DNAAF11: variants seen among roughly 807,000 people sequenced by gnomAD.
The protein encoded by DNAAF11 is dynein axonemal assembly factor 11.
Under a neutral mutation model 60.8 loss-of-function variants are expected in DNAAF11, and 45 were observed. The observed-to-expected ratio is 0.74, with a 90% CI of 0.58 to 0.95. The LOEUF is 0.95. DNAAF11 is among the 40% of genes least tolerant of loss of function. The pLI is 0.00. For synonymous variants in DNAAF11, 191 were observed against 183.5 expected (o/e 1.04, Z -0.33); for missense variants, 546 against 546.2 (o/e 1.00, Z 0.00).
chr8:132,677,105 C>T (rs1434594995), upstream of DNAAF11, among the ~76,000 whole-genome samples: 1 of 152,178 alleles, frequency 6.6e-6, no homozygotes, highest in South Asian at 2.1e-4. Flanking sequence ...CATCTGTGGT[C>T]GTGCCACTGA....
chr8:132,663,697 C>T (rs2130831071), intron 1 of DNAAF11, among the ~76,000 whole-genome samples: 1 of 152,228 alleles, frequency 6.6e-6, no homozygotes, highest in African/African-American at 2.4e-5. Context: ...ATCCAGAGCC[C>T]AAGTCTTCCT....
chr8:132,690,787 T>C, the DNAAF11 span, among the ~76,000 whole-genome samples: 3 of 152,214 alleles, frequency 2.0e-5, no homozygotes, highest in African/African-American at 7.2e-5. Context: ...TTAAGTATTT[T>C]GTAGAATGTC....
At position 132,658,489 on chromosome 8, in the gene DNAAF11, A is replaced by C. The variant is rs1218070252; in HGVS notation, c.179-1582T>G. ...AGGCGCCCGCCACCACGCCTGGCTA[A>C]TTTTTGTATTTTTAGTAGAGATGGG... On this transcript the variant is annotated intron_variant, in intron 2 of 11. Coordinates refer to ENST00000620350, the MANE Select transcript of DNAAF11 (RefSeq NM_012472.6). 1.5e-4 allele frequency among the ~76,000 whole-genome samples: 23 copies of C among 151,916 alleles called. 1 individual carries two copies. The highest frequency in any genetic ancestry group is 1.3e-3 in the Admixed American group (20 of 15,254).
chr8:132,612,059 G>T (rs1325878701), intron 8 of DNAAF11, among the ~76,000 whole-genome samples: 1 of 152,198 alleles, frequency 6.6e-6, no homozygotes, highest in Non-Finnish European at 1.5e-5. Flanking sequence ...GTTAAGGCAG[G>T]TAAGCTAATA....
rs1247113290 is a variant in DNAAF11, at chr8:132,637,966, T to G, written c.398A>C (p.Glu133Ala). 1 of 1,610,568 alleles carries G rather than the reference T, an allele frequency of 6.2e-7. No homozygotes were observed. The highest frequency in any genetic ancestry group is 8.5e-7 in the Non-Finnish European group (1 of 1,178,708). Residue 133 changes from glutamate (E) to alanine (A), a missense_variant, in exon 4 of 12, where the codon GAG (glutamate) becomes GCG (alanine). Physicochemically the swap from Glu to Ala is moderately radical, Grantham distance 107. Coordinates refer to ENST00000620350, the MANE Select transcript of DNAAF11 (RefSeq NM_012472.6). Reference protein sequence around the residue: ...NPCASFDHYREFVVATLPQLK... With the variant: ...NPCASFDHYRAFVVATLPQLK... ...TTGTGGAAGAGTTGCTACCACGAACTCCCTATAGTGGTCAAAGGAAGCACA... is the reference window on the plus strand; with the variant it reads ...TTGTGGAAGAGTTGCTACCACGAACGCCCTATAGTGGTCAAAGGAAGCACA...
chr8:132,581,270 A>G (rs1586466584), intron 11 of DNAAF11, among the ~76,000 whole-genome samples: 2 of 152,300 alleles, frequency 1.3e-5, no homozygotes, highest in East Asian at 1.9e-4. Context: ...CAAACATAAA[A>G]TAATTAACCA....
intron 11 of DNAAF11, among the ~76,000 whole-genome samples, chr8:132,580,231 C>G (rs1029956802): frequency 6.6e-6 from 1 of 152,160 alleles, no homozygotes. Flanking sequence ...AACAAAGATG[C>G]TGCCCTCACT....
the DNAAF11 span, among the ~76,000 whole-genome samples, chr8:132,701,525 A>G: frequency 6.6e-6 from 1 of 152,186 alleles, no homozygotes; most frequent in Non-Finnish European, 1.5e-5. Flanking sequence ...AGTTGTCTAC[A>G]TCTTGACTGT....
At chr8:132,689,321 G>A in the DNAAF11 span, among the ~76,000 whole-genome samples, 1 of 152,146 alleles carries the variant, frequency 6.6e-6, no homozygotes, top group Non-Finnish European at 1.5e-5. Flanking sequence ...TGAAATCATA[G>A]AGATGGGGGG....
chr8:132,639,651 C>T (rs927459303), intron 3 of DNAAF11, among the ~76,000 whole-genome samples: 1 of 152,118 alleles, frequency 6.6e-6, no homozygotes, highest in African/African-American at 2.4e-5. Flanking sequence ...ATCCTATCAC[C>T]TGACTCAATC....
chr8:132,609,259 C>T (rs533375571), intron 10 of DNAAF11, among the ~76,000 whole-genome samples: 83 of 151,664 alleles, frequency 5.5e-4, no homozygotes, highest in African/African-American at 1.9e-3. Context: ...AACATCTGTA[C>T]ACTTTAAATC....
intron 1 of DNAAF11, among the ~76,000 whole-genome samples, chr8:132,671,028 T>A (rs1414468203): frequency 6.6e-6 from 1 of 151,890 alleles, no homozygotes; most frequent in African/African-American, 2.4e-5. Context: ...CCCGTAAGAA[T>A]CAGAAAAAAA....
intron 10 of DNAAF11, among the ~76,000 whole-genome samples, chr8:132,596,295 C>T (rs1214009180): frequency 6.6e-6 from 1 of 152,096 alleles, no homozygotes; most frequent in Non-Finnish European, 1.5e-5. Context: ...GTAAAATCAA[C>T]ACTGACAGTT....
At chr8:132,694,909 T>G in the DNAAF11 span, among the ~76,000 whole-genome samples, 1 of 152,090 alleles carries the variant, frequency 6.6e-6, no homozygotes, top group Non-Finnish European at 1.5e-5. Context: ...ACTCCAAAAT[T>G]TAAATGCTGA....
the DNAAF11 span, among the ~76,000 whole-genome samples, chr8:132,684,133 C>T: frequency 6.6e-6 from 1 of 152,200 alleles, no homozygotes; most frequent in Non-Finnish European, 1.5e-5. Flanking sequence ...TTTCTCCATA[C>T]AACACTTCCC....
At chr8:132,676,767 T>C (rs1825775257), upstream of DNAAF11, among the ~76,000 whole-genome samples, 1 of 151,794 alleles carries the variant, frequency 6.6e-6, no homozygotes, top group African/African-American at 2.4e-5. Flanking sequence ...CTTCGAACAG[T>C]AAGAATGAGA....
At chr8:132,655,054 A>T (rs541583519) in intron 3 of DNAAF11, among the ~76,000 whole-genome samples, 3 of 152,148 alleles carry the variant, frequency 2.0e-5, no homozygotes, top group Non-Finnish European at 2.9e-5. Context: ...AAATTTAGTA[A>T]ATCAGGAATG....
At chr8:132,583,978 G>A (rs1475308990) in intron 10 of DNAAF11, among the ~76,000 whole-genome samples, 199 bp from the exon 11 acceptor site, 5 of 151,996 alleles carry the variant, frequency 3.3e-5, no homozygotes, top group Non-Finnish European at 7.4e-5. Context: ...CAAGAGTCTC[G>A]CGAAGCCACA....
At chr8:132,670,623 G>C (rs973645956) in intron 1 of DNAAF11, among the ~76,000 whole-genome samples, 3 of 152,014 alleles carry the variant, frequency 2.0e-5, no homozygotes, top group African/African-American at 7.3e-5. Context: ...ATTCTATAAG[G>C]TCAGAATTAC....
Sources: allele counts gnomAD v4.1 joint callset (sites outside exome capture counted in the v4.1 genomes callset), GRCh38; gene constraint gnomAD v4.1.1; transcripts MANE v1.5; gene names NCBI Gene and HGNC (gene_info 2026-07-23, HGNC 2026-07-21).